Variants in ANO10 observed in about 807,000 individuals in gnomAD.
The protein encoded by ANO10 is anoctamin-10.
A neutral mutation model predicts 74.7 loss-of-function variants in ANO10; 77 were observed. That is an observed-to-expected ratio of 1.03 (90% CI 0.86 to 1.25). The LOEUF (loss-of-function observed/expected upper bound fraction) is 1.25, where lower values mean the gene tolerates loss of function less well. Ranked by LOEUF, ANO10 falls within the 50% of genes most tolerant of loss-of-function variation. ANO10 has a pLI of 0.00. For missense variants in ANO10, 721 were observed against 778.1 expected (o/e 0.93, Z 0.87); for synonymous variants, 279 against 284.9 (o/e 0.98, Z 0.21).
intron 11 of ANO10, among the ~76,000 whole-genome samples, chr3:43,514,151 A>T (rs1311880811): frequency 6.6e-6 from 1 of 151,932 alleles, no homozygotes; most frequent in African/African-American, 2.4e-5. Context: ...ATCAATAATC[A>T]GATTAAATAT....
chr3:43,480,643 C>G (rs1039079711), intron 11 of ANO10, among the ~76,000 whole-genome samples: 1 of 152,098 alleles, frequency 6.6e-6, no homozygotes, highest in Non-Finnish European at 1.5e-5. Flanking sequence ...GGGTGGTAAA[C>G]GAGAAGCCAA....
At chr3:43,518,352 T>G (rs1477761651) in intron 11 of ANO10, among the ~76,000 whole-genome samples, 1 of 152,230 alleles carries the variant, frequency 6.6e-6, no homozygotes, top group Non-Finnish European at 1.5e-5. Context: ...TTTAATCTCT[T>G]AATCCCATCA....
intron 12 of ANO10, among the ~76,000 whole-genome samples, chr3:43,391,747 G>A (rs1387012911): frequency 2.0e-5 from 3 of 152,300 alleles, no homozygotes; most frequent in Admixed American, 6.5e-5. Context: ...CAGCAGCCAG[G>A]GGAGTGAGCC....
intron 11 of ANO10, among the ~76,000 whole-genome samples, chr3:43,520,181 C>T (rs1040184103): frequency 2.0e-5 from 3 of 152,134 alleles, no homozygotes; most frequent in African/African-American, 7.2e-5. Flanking sequence ...TTGCCATCTT[C>T]CATATCCTCC....
intron 1 of ANO10, among the ~76,000 whole-genome samples, chr3:43,629,082 A>G (rs2083520894): frequency 6.6e-6 from 1 of 152,156 alleles, no homozygotes; most frequent in African/African-American, 2.4e-5. Flanking sequence ...CTTGTGGGGC[A>G]TCACGGAACC....
intron 12 of ANO10, among the ~76,000 whole-genome samples, chr3:43,405,653 T>C (rs1203618307): frequency 1.3e-5 from 2 of 152,224 alleles, no homozygotes; most frequent in East Asian, 1.9e-4. Context: ...TTTGTATTTT[T>C]TGTAGAGACG....
At chr3:43,485,408 G>A (rs1182328504) in intron 11 of ANO10, among the ~76,000 whole-genome samples, 2 of 152,142 alleles carry the variant, frequency 1.3e-5, no homozygotes, top group African/African-American at 2.4e-5. Context: ...GTTCCTGCAC[G>A]GGTTTGTCCT....
At chr3:43,546,445 T>C (rs1250096755) in intron 11 of ANO10, among the ~76,000 whole-genome samples, 2 of 152,140 alleles carry the variant, frequency 1.3e-5, no homozygotes, top group Admixed American at 6.5e-5. Flanking sequence ...ATAAACTGTA[T>C]ACACAGTCAA....
intron 11 of ANO10, among the ~76,000 whole-genome samples, chr3:43,443,535 GT>G (rs1249665205): frequency 1.3e-5 from 2 of 152,010 alleles, no homozygotes; most frequent in African/African-American, 4.8e-5. Context: ...GGGGGTATTG[GT>G]TTCTGAGTCT....
At chr3:43,542,312 C>T (rs2078993428) in intron 11 of ANO10, among the ~76,000 whole-genome samples, 1 of 152,014 alleles carries the variant, frequency 6.6e-6, no homozygotes, top group Admixed American at 6.6e-5. Context: ...GGAGGGAGGG[C>T]TAGGCTGAGG....
At chr3:43,530,712 A>G (rs2078426815) in intron 11 of ANO10, among the ~76,000 whole-genome samples, 1 of 152,170 alleles carries the variant, frequency 6.6e-6, no homozygotes, top group Non-Finnish European at 1.5e-5. Flanking sequence ...TGATTGTTCT[A>G]CTATTGTTGT....
intron 11 of ANO10, among the ~76,000 whole-genome samples, chr3:43,531,556 A>T (rs2078468911): frequency 1.3e-5 from 2 of 152,306 alleles, no homozygotes; most frequent in South Asian, 4.1e-4. Flanking sequence ...TCTCTAAAAT[A>T]AAAATGTGTG....
intron 12 of ANO10, among the ~76,000 whole-genome samples, chr3:43,405,158 G>T (rs1016650340): frequency 6.6e-6 from 1 of 152,146 alleles, no homozygotes; most frequent in Non-Finnish European, 1.5e-5. Context: ...CCTGTGTGTT[G>T]CCTAGCTTTT....
At chr3:43,384,010 C>T (rs2092046104) in intron 12 of ANO10, among the ~76,000 whole-genome samples, 1 of 151,984 alleles carries the variant, frequency 6.6e-6, no homozygotes, top group Non-Finnish European at 1.5e-5. Flanking sequence ...GATCATATAC[C>T]TAAAAAACCC....
At chr3:43,685,853 C>T (rs999660196) in intron 1 of ANO10, among the ~76,000 whole-genome samples, 2 of 152,138 alleles carry the variant, frequency 1.3e-5, no homozygotes, top group Non-Finnish European at 2.9e-5. Flanking sequence ...GGTTTCTTAA[C>T]ATGTTCAAAA....
In ANO10 at chr3:43,370,016, C is replaced by T. The variant is rs182705416; in HGVS notation, c.1915-3042G>A. On this transcript the variant is annotated intron_variant, in intron 12 of 12. Coordinates refer to ENST00000292246, the MANE Select transcript of ANO10 (RefSeq NM_018075.5). ...TCTTAGGTAAACCAATTGCTATCTA[C>T]CACTCATGAGTCTGCAACCCTCAGT... Among the ~76,000 whole-genome samples the T allele has an allele frequency of 1.9e-4, 29 of 152,250 alleles. No homozygotes were observed. The East Asian group carries it at 5.6e-3, about 30-fold the overall frequency.
At chr3:43,622,359 GCTGTCACT>G (rs1408711165), upstream of ANO10, among the ~76,000 whole-genome samples, 1 of 152,228 alleles carries the variant, frequency 6.6e-6, no homozygotes, top group Non-Finnish European at 1.5e-5. Context: ...GCCTGGTTGG[GCTGTCACT>G]CCGAGCCGGG....
chr3:43,655,117 G>A (rs1315246347), intron 1 of ANO10, among the ~76,000 whole-genome samples: 2 of 152,116 alleles, frequency 1.3e-5, no homozygotes, highest in African/African-American at 4.8e-5. Flanking sequence ...AAAACTAGAG[G>A]GAAATTTCTT....
intron 11 of ANO10, among the ~76,000 whole-genome samples, chr3:43,483,450 G>A (rs936259588): frequency 6.6e-5 from 10 of 152,156 alleles, no homozygotes; most frequent in Admixed American, 6.5e-5. Context: ...CCATGCCTCT[G>A]GGGTAACACG....
Sources: gnomAD v4.1 joint callset for allele counts (sites outside exome capture counted in the v4.1 genomes callset) on GRCh38, gnomAD v4.1.1 for gene constraint, MANE v1.5 for transcripts, NCBI Gene and HGNC (gene_info 2026-07-23, HGNC 2026-07-21) for gene names.